Variants in PIM2 observed in about 807,000 individuals in gnomAD.
PIM2 encodes the protein serine/threonine-protein kinase pim-2.
In PIM2, 3 loss-of-function variants were observed where a neutral mutation model predicts 18.0. That is an observed-to-expected ratio of 0.17 (90% CI 0.08 to 0.43). The LOEUF is 0.43. PIM2 is among the 20% of genes least tolerant of loss of function. The probability of loss-of-function intolerance (pLI) is 0.99; values close to 1 mark genes in which losing one functional copy is unlikely to be tolerated. For missense variants in PIM2, 181 were observed against 260.8 expected (o/e 0.69, Z 2.11); for synonymous variants, 117 against 105.3 (o/e 1.11, Z -0.68).
rs1557045585 is a variant in PIM2, at chrX:48,918,793, C to A, written c.42G>T (p.Gly14=). The A allele has an allele frequency of 1.7e-6, 2 of 1,195,215 alleles. No homozygotes were observed. Among genetic ancestry groups the A allele is most frequent in the Non-Finnish European group, 2.2e-6 (2 of 890,416 alleles). ...KPLQGPPAPP[G]TPTPPPGGKD... is the part of the protein sequence containing the mutation. The stretch of plus-strand genomic sequence containing the variant: ...ACTCACCTGGCGGCGGCGTGGGGGT[C>A]CCGGGGGGCGCGGGAGGCCCCTGTA... Residue 14 remains glycine, a synonymous_variant, in exon 1 of 6, where the codon GGG becomes GGT. Coordinates refer to ENST00000376509, the MANE Select transcript of PIM2 (RefSeq NM_006875.4).
At chrX:48,915,421 G>A (rs1557045143) in intron 3 of PIM2, 29 bp from the exon 4 acceptor site, 1 of 1,171,956 alleles carries the variant, frequency 8.5e-7, no homozygotes, top group Admixed American at 2.4e-5. Context: ...TGGGAAGCAG[G>A]GAGAGAAAAA....
At position 48,918,502 on chromosome X, in the gene PIM2, C is replaced by A. The variant is rs782277924; in HGVS notation, c.171+34G>T. The A allele has an allele frequency of 2.8e-6, 3 of 1,053,565 alleles. No homozygotes were observed. In the African/African-American group the frequency reaches 5.7e-5, roughly 20 times the overall value. 86.8% of individuals were successfully genotyped at this position (1,053,565 alleles called of 1,213,427 possible). A position where few individuals can be genotyped will look rare whatever the true frequency, so the allele number is the denominator to read the frequency against. ...CCAGGACCCCCGCCCCCGCCACACG[C>A]ACCTGACCCTCCCAAGACCCTCATG... is the stretch of plus-strand genomic sequence containing the variant. On this transcript the variant is annotated intron_variant, in intron 2 of 5. Transcript: ENST00000376509.
chrX:48,918,710 C>A, intron 1 of PIM2, 64 bp downstream of exon 1: 9 of 1,133,285 alleles, frequency 7.9e-6, no homozygotes, highest in South Asian at 1.9e-5. Context: ...ACTCCCTCCC[C>A]CCGCGCTGCA....
At chrX:48,917,635 G>A in intron 3 of PIM2, 146 bp downstream of exon 3, 1 of 478,279 alleles carries the variant, frequency 2.1e-6, no homozygotes, top group Non-Finnish European at 3.8e-6. Flanking sequence ...AATCAGAACT[G>A]TATGTCACCC....
At position 48,918,581 on chromosome X, in the gene PIM2, G is replaced by T. The variant is rs1357847856; in HGVS notation, c.126C>A (p.Gly42=). Residue 42 remains glycine (G), a synonymous_variant, in exon 2 of 6, where the codon GGC becomes GGA. Coordinates refer to ENST00000376509, the MANE Select transcript of PIM2 (RefSeq NM_006875.4). ...GGTGTCCTGCGAAGACGGTGCCAAA[G>T]CCCCCCTTACCCAGGAGGGGGCCGA... ...YRLGPLLGKG[G]FGTVFAGHRL... The T allele has an allele frequency of 2.5e-6, 3 of 1,203,568 alleles. No individual in the cohort carries two copies. The highest frequency in any genetic ancestry group is 3.4e-6 in the Non-Finnish European group (3 of 891,722).
rs202232849 is a variant in PIM2 at position 48,914,329 on chromosome X, G to C, written c.773-35C>G. 1.1e-4 allele frequency: 131 copies of C among 1,208,589 alleles called. No individual in the cohort carries two copies. In the East Asian group the frequency reaches 1.2e-3, roughly 11 times the overall value. ...AAGAAGCAGAGAGGGAAGATTAGCA[G>C]TCAGTAGGGGGTACTGGTCCCTGAG... On this transcript the variant is annotated intron_variant, in intron 5 of 5. Coordinates refer to ENST00000376509, the MANE Select transcript of PIM2 (RefSeq NM_006875.4).
chrX:48,914,637 C>A, intron 4 of PIM2, 66 bp from the exon 5 acceptor site: 1 of 991,387 alleles, frequency 1.0e-6, no homozygotes, highest in South Asian at 2.3e-5. Flanking sequence ...CCAAACTCTC[C>A]AGGAAGGATG....
rs910395699 is a variant in PIM2 at position 48,918,839 on chromosome X, G to A, written c.-5C>T. ...CTGTAGAGGCTTGGTCAACATGGAG[G>A]TGGCGCTGCGCAGATTGAGCCCACT... On this transcript the variant is annotated 5_prime_UTR_variant, in exon 1 of 6. Transcript: ENST00000376509. 1.1e-5 allele frequency: 13 copies of A among 1,194,939 alleles called. No homozygotes were observed. The highest frequency in any genetic ancestry group is 1.5e-5 in the Non-Finnish European group (13 of 889,533).
intron 3 of PIM2, among the ~76,000 whole-genome samples, chrX:48,917,394 A>G (rs2063566034): frequency 8.9e-6 from 1 of 111,984 alleles, no homozygotes; most frequent in Admixed American, 9.4e-5. Context: ...AGTTTCCCCT[A>G]GAGCCCGCCA....
Position 48,915,147 on chromosome X carries a change from G to GGAA in PIM2, c.465_467dup (p.Ser156dup). 8.2e-7 allele frequency: 1 copy of GGAA among 1,212,339 alleles called. No individual in the cohort carries two copies. Among genetic ancestry groups the GGAA allele is most frequent in the Non-Finnish European group, 1.1e-6 (1 of 895,591 alleles). The stretch of plus-strand genomic sequence containing the variant: ...TGATGTCACGATGGACAACTCCACG[G>GGAA]GAATGGCAGTGCTGGATGGCTGCCA... On this transcript the variant is annotated inframe_insertion, in exon 4 of 6. Coordinates refer to ENST00000376509, the MANE Select transcript of PIM2 (RefSeq NM_006875.4).
Position 48,918,989 on chromosome X carries a change from T to G in PIM2, c.-155A>C, listed in dbSNP as rs1181111261. On this transcript the variant is annotated 5_prime_UTR_variant, in exon 1 of 6. Transcript: ENST00000376509. ...GGAAGCGCCCGCAGACGGCGCAGCGTTGAGATTCGCCGCGCGCGCCAGCCC... is the reference window on the plus strand; with the variant it reads ...GGAAGCGCCCGCAGACGGCGCAGCGGTGAGATTCGCCGCGCGCGCCAGCCC... 3 of 459,369 alleles carry G rather than the reference T, an allele frequency of 6.5e-6. No homozygotes were observed. The highest frequency in any genetic ancestry group is 9.3e-5 in the Admixed American group (2 of 21,392). The allele number at this position is 459,369 out of a possible 1,213,427, so 37.9% of individuals were successfully genotyped here. A position where few individuals can be genotyped will look rare whatever the true frequency, so the allele number is the denominator to read the frequency against.
At chrX:48,917,967 C>T in intron 2 of PIM2, 136 bp from the exon 3 acceptor site, 2 of 515,396 alleles carry the variant, frequency 3.9e-6, no homozygotes, top group East Asian at 7.3e-5. Flanking sequence ...CAGCACCCCA[C>T]AGAACGCGTA....
In PIM2 at chrX:48,913,889, C is replaced by G. The variant is rs2063555810; in HGVS notation, c.*242G>C. ...CAAAATGAGAAGCAAGAAGTTCCCC[C>G]TCCAGAATCAGGGACCACAGGTTCT... On this transcript the variant is annotated 3_prime_UTR_variant, in exon 6 of 6. Transcript: ENST00000376509. The G allele has an allele frequency of 3.1e-6, 1 of 319,545 alleles. No individual in the cohort carries two copies. The highest frequency in any genetic ancestry group is 6.0e-5 in the Admixed American group (1 of 16,614). The allele number at this position is 319,545 out of a possible 1,213,427, so 26.3% of individuals were successfully genotyped here. A position where few individuals can be genotyped will look rare whatever the true frequency, so the allele number is the denominator to read the frequency against.
chrX:48,918,107 T>A (rs2063568090), intron 2 of PIM2, among the ~76,000 whole-genome samples: 1 of 109,292 alleles, frequency 9.1e-6, no homozygotes, highest in Admixed American at 9.7e-5. Flanking sequence ...GATTTCCTGA[T>A]ACCCCAGGCC....
intron 2 of PIM2, 94 bp downstream of exon 2, chrX:48,918,442 G>C (rs1245944284): frequency 3.4e-6 from 2 of 589,739 alleles, no homozygotes; most frequent in Non-Finnish European, 5.4e-6. Context: ...TACACACTCT[G>C]CAGGCTCACT....
chrX:48,914,529 T>C lies in PIM2; in HGVS notation c.638A>G (p.Gln213Arg). 1.7e-6 allele frequency: 2 copies of C among 1,210,117 alleles called. No homozygotes were observed. Among genetic ancestry groups the C allele is most frequent in the Non-Finnish European group, 2.2e-6 (2 of 894,918 alleles). ...YSPPEWISRH[Q>R]YHALPATVWS... ...GACAGTGGCCGGGAGTGCATGGTACTGGTGTCGAGAGATCCACTCTGGGGG... is the reference window on the plus strand; with the variant it reads ...GACAGTGGCCGGGAGTGCATGGTACCGGTGTCGAGAGATCCACTCTGGGGG... Residue 213 changes from glutamine (Q) to arginine (R), a missense_variant, in exon 5 of 6, where the codon CAG becomes CGG. By Grantham distance (43) the Gln-to-Arg change is conservative. Around this residue, in one of 5 missense-constraint regions of PIM2, gnomAD observed 26 missense variants for 31.1 expected, o/e 0.84. Transcript: ENST00000376509.
chrX:48,917,037 C>T (rs782544314), intron 3 of PIM2, among the ~76,000 whole-genome samples: 1 of 108,975 alleles, frequency 9.2e-6, no homozygotes, highest in Non-Finnish European at 1.9e-5. Flanking sequence ...CTCCTGTAGT[C>T]CCAGCTACTT....
intron 3 of PIM2, among the ~76,000 whole-genome samples, chrX:48,917,332 A>C (rs926664202): frequency 9.0e-6 from 1 of 110,732 alleles, no homozygotes; most frequent in Non-Finnish European, 1.9e-5. Flanking sequence ...AAAAATACCG[A>C]TATTGCGCAG....
At position 48,913,368 on chromosome X, in the gene PIM2, G is replaced by A. The variant is rs1391634555; in HGVS notation, c.*763C>T. 2 of 109,011 alleles carry A rather than the reference G, an allele frequency of 1.8e-5. No homozygotes were observed. The highest frequency in any genetic ancestry group is 3.8e-5 in the Non-Finnish European group (2 of 52,368). 9.0% of individuals were successfully genotyped at this position (109,011 alleles called of 1,213,427 possible). On this transcript the variant is annotated 3_prime_UTR_variant, in exon 6 of 6. Coordinates refer to ENST00000376509, the MANE Select transcript of PIM2 (RefSeq NM_006875.4). ...CAAGAATCTGCAAAAGTTGGAGGGAGCGCCCCAGGAGAACAAACAGCAAGC... is the reference window on the plus strand; with the variant it reads ...CAAGAATCTGCAAAAGTTGGAGGGAACGCCCCAGGAGAACAAACAGCAAGC...
Sources: allele counts gnomAD v4.1 joint callset (sites outside exome capture counted in the v4.1 genomes callset), GRCh38; gene constraint gnomAD v4.1.1; regional missense constraint gnomAD v4.1.1; transcripts MANE v1.5; gene names NCBI Gene and HGNC (gene_info 2026-07-23, HGNC 2026-07-21).